Variants in SASH1 observed in about 807,000 individuals in gnomAD.
The protein encoded by SASH1 is SAM and SH3 domain-containing protein 1.
Under a neutral mutation model 125.2 loss-of-function variants are expected in SASH1, and 44 were observed. The ratio of observed to expected loss-of-function variants is 0.35; its 90% CI spans 0.28 to 0.45. The LOEUF is 0.45. Ranked by LOEUF, SASH1 falls within the 20% of genes least tolerant of loss-of-function variation. The pLI, the probability that SASH1 is intolerant of heterozygous loss-of-function variation, is 1.00. For missense variants in SASH1, 1,426 were observed against 1,614.5 expected (o/e 0.88, Z 2.00); for synonymous variants, 639 against 649.1 (o/e 0.98, Z 0.24).
At chr6:148,319,298 G>A (rs2114568056) in intron 1 of SASH1, among the ~76,000 whole-genome samples, 1 of 152,014 alleles carries the variant, frequency 6.6e-6, no homozygotes, top group South Asian at 2.1e-4. Context: ...GCCTCCCAAA[G>A]TGCTGGGATT....
At chr6:148,542,249 T>A (rs1415753918) in intron 17 of SASH1, among the ~76,000 whole-genome samples, 1 of 152,230 alleles carries the variant, frequency 6.6e-6, no homozygotes, top group African/African-American at 2.4e-5. Flanking sequence ...AGTTTTATAT[T>A]GGGAGTTAAG....
the SASH1 span, among the ~76,000 whole-genome samples, chr6:148,217,718 A>G: frequency 6.6e-6 from 1 of 151,760 alleles, no homozygotes. Context: ...AATCTAGAAC[A>G]CCCAGGCCAG....
At chr6:148,344,104 T>C (rs1781439109) in intron 1 of SASH1, among the ~76,000 whole-genome samples, 1 of 152,190 alleles carries the variant, frequency 6.6e-6, no homozygotes, top group Admixed American at 6.5e-5. Context: ...AAGTTCTTCT[T>C]TGGGAATGAT....
chr6:148,331,816 C>T (rs1336414416), intron 1 of SASH1, among the ~76,000 whole-genome samples: 1 of 152,082 alleles, frequency 6.6e-6, no homozygotes, highest in Admixed American at 6.5e-5. Flanking sequence ...CTCAGCCTCC[C>T]CAGTAGCTAG....
Position 148,532,711 on chromosome 6 carries a change from C to A in SASH1, c.1565-86C>A. On this transcript the variant is annotated intron_variant, in intron 13 of 19. Transcript: ENST00000367467. The surrounding 1 kb of genome is among the most constrained non-coding windows in gnomAD (Gnocchi z 4.7). The stretch of plus-strand genomic sequence containing the variant: ...CTTCCTTTCTCTGGGCCTTCATTTC[C>A]TAATCTGCCATACCTTCAATACCTT... 6.7e-7 allele frequency: 1 copy of A among 1,492,040 alleles called. No individual in the cohort carries two copies. Among genetic ancestry groups the A allele is most frequent in the Non-Finnish European group, 9.2e-7 (1 of 1,090,492 alleles). 92.4% of individuals were successfully genotyped at this position (1,492,040 alleles called of 1,614,324 possible).
At chr6:148,384,784 G>A (rs1783293296) in intron 1 of SASH1, among the ~76,000 whole-genome samples, 2 of 152,180 alleles carry the variant, frequency 1.3e-5, no homozygotes. Context: ...CATTTTGAAT[G>A]TATACAATTC....
the SASH1 span, among the ~76,000 whole-genome samples, chr6:148,234,623 C>T: frequency 4.6e-5 from 7 of 151,904 alleles, no homozygotes; most frequent in African/African-American, 9.7e-5. Flanking sequence ...GTCAGGAGTT[C>T]GAGACCAGTC....
intron 2 of SASH1, among the ~76,000 whole-genome samples, chr6:148,421,170 AAAG>A (rs1562396514): frequency 5.0e-4 from 64 of 128,006 alleles, no homozygotes; most frequent in Non-Finnish European, 8.4e-4. Context: ...AGAAAGAAAG[AAAG>A]AAAGAAAGAA....
intron 1 of SASH1, among the ~76,000 whole-genome samples, chr6:148,280,995 A>G (rs531325515): frequency 1.3e-5 from 2 of 150,894 alleles, no homozygotes; most frequent in Admixed American, 1.3e-4. Flanking sequence ...CCAGGCTGGA[A>G]TGCAGTGTCA....
At chr6:148,363,922 A>G (rs1782348471) in intron 1 of SASH1, among the ~76,000 whole-genome samples, 1 of 149,716 alleles carries the variant, frequency 6.7e-6, no homozygotes, top group South Asian at 2.1e-4. Flanking sequence ...TATAATGGAC[A>G]TTTTAATTAA....
At chr6:148,443,847 T>C (rs1776662144) in intron 4 of SASH1, among the ~76,000 whole-genome samples, 1 of 152,196 alleles carries the variant, frequency 6.6e-6, no homozygotes, top group Admixed American at 6.5e-5. Context: ...ACTATTCCCT[T>C]ACATCAAAAT....
At chr6:148,367,020 G>A (rs920654722) in intron 1 of SASH1, among the ~76,000 whole-genome samples, 1 of 140,882 alleles carries the variant, frequency 7.1e-6, no homozygotes, top group Non-Finnish European at 1.5e-5. Context: ...TGCCCAGGCT[G>A]GAGTGCAATG....
chr6:148,292,263 T>TC (rs1360080332), intron 1 of SASH1, among the ~76,000 whole-genome samples: 1 of 152,144 alleles, frequency 6.6e-6, no homozygotes, highest in African/African-American at 2.4e-5. Flanking sequence ...GTTATCCAAT[T>TC]CATTTTTTTT....
At chr6:148,538,176 A>G (rs1412369675) in intron 16 of SASH1, among the ~76,000 whole-genome samples, 6 of 152,078 alleles carry the variant, frequency 3.9e-5, no homozygotes, top group African/African-American at 1.4e-4. Context: ...TCTCCAAAAT[A>G]ATTTCAGGTA....
At chr6:148,510,232 AG>A (rs1341279004) in intron 8 of SASH1, among the ~76,000 whole-genome samples, 3 of 152,242 alleles carry the variant, frequency 2.0e-5, no homozygotes, top group Non-Finnish European at 2.9e-5. Context: ...AAATCTGCAG[AG>A]GAGAGGCTGG....
intron 1 of SASH1, among the ~76,000 whole-genome samples, chr6:148,273,517 C>A (rs1779113972): frequency 6.6e-6 from 1 of 151,878 alleles, no homozygotes; most frequent in African/African-American, 2.4e-5. Flanking sequence ...TGGTCTTGAA[C>A]TCCTGACCCC....
At chr6:148,386,943 T>C (rs1285709860) in intron 1 of SASH1, among the ~76,000 whole-genome samples, 1 of 151,980 alleles carries the variant, frequency 6.6e-6, no homozygotes, top group Non-Finnish European at 1.5e-5. Context: ...CATCCCTAGG[T>C]GAATCAAGGA....
chr6:148,519,158 G>A lies in SASH1; in HGVS notation c.863-389G>A, dbSNP rs1402519933. Reference sequence around the variant, plus strand: ...AAAAAGCGACCAGAGCCAACATAAAGGAGTGCCTTTCAGAAGGGGGAAAGA... The same window carrying A: ...AAAAAGCGACCAGAGCCAACATAAAAGAGTGCCTTTCAGAAGGGGGAAAGA... On this transcript the variant is annotated intron_variant, in intron 9 of 19. Coordinates refer to ENST00000367467, the MANE Select transcript of SASH1 (RefSeq NM_015278.5). This position sits in a 1 kb window ranked among gnomAD's most constrained non-coding sequence, Gnocchi z 4.8. Among the ~76,000 whole-genome samples the A allele has an allele frequency of 6.6e-6, 1 of 152,204 alleles. No homozygotes were observed. Among genetic ancestry groups the A allele is most frequent in the East Asian group, 1.9e-4 (1 of 5,198 alleles).
At chr6:148,231,826 C>T in the SASH1 span, among the ~76,000 whole-genome samples, 1 of 151,980 alleles carries the variant, frequency 6.6e-6, no homozygotes, top group Non-Finnish European at 1.5e-5. Context: ...ATGACCTGTT[C>T]ATCAGGAATG....
Sources: gnomAD v4.1 joint callset for allele counts (sites outside exome capture counted in the v4.1 genomes callset) on GRCh38, gnomAD v4.1.1 for gene constraint, Gnocchi (gnomAD v3.1) non-coding constraint, MANE v1.5 for transcripts, NCBI Gene and HGNC (gene_info 2026-07-23, HGNC 2026-07-21) for gene names.